Variants in PEX7 observed in about 807,000 individuals in gnomAD.
The protein encoded by PEX7 is PTS2 receptor.
PEX7 carries 34 observed loss-of-function variants against 47.5 expected under a neutral mutation model. The ratio of observed to expected loss-of-function variants is 0.72; its 90% CI spans 0.54 to 0.95. The LOEUF (loss-of-function observed/expected upper bound fraction) is 0.95, where lower values mean the gene tolerates loss of function less well. Ranked by LOEUF, PEX7 falls within the 40% of genes least tolerant of loss-of-function variation. The pLI, the probability that PEX7 is intolerant of heterozygous loss-of-function variation, is 0.00. For synonymous variants in PEX7, 141 were observed against 148.8 expected (o/e 0.95, Z 0.38); for missense variants, 394 against 400.3 (o/e 0.98, Z 0.13).
chr6:136,908,801 A>C (rs1158091272), intron 9 of PEX7, among the ~76,000 whole-genome samples: 1 of 152,168 alleles, frequency 6.6e-6, no homozygotes, highest in Non-Finnish European at 1.5e-5. Context: ...TAAAACTAAA[A>C]CTTTCAGTTC....
At chr6:136,906,291 T>A (rs1292724972) in intron 9 of PEX7, among the ~76,000 whole-genome samples, 1 of 152,246 alleles carries the variant, frequency 6.6e-6, no homozygotes, top group African/African-American at 2.4e-5. Flanking sequence ...CATTTTATTG[T>A]CATTTGTAAT....
At chr6:136,874,242 G>C (rs1261847475) in intron 8 of PEX7, among the ~76,000 whole-genome samples, 1 of 152,198 alleles carries the variant, frequency 6.6e-6, no homozygotes, top group Non-Finnish European at 1.5e-5. Context: ...AGTGGAGCAT[G>C]GTGCTTTTTG....
intron 5 of PEX7, among the ~76,000 whole-genome samples, chr6:136,850,746 T>C (rs1010019708): frequency 1.3e-5 from 2 of 152,124 alleles, no homozygotes; most frequent in African/African-American, 2.4e-5. Flanking sequence ...AATGAGCAGG[T>C]TGAGCTTGGA....
chr6:136,827,504 TTGTG>T (rs5880309), intron 3 of PEX7, among the ~76,000 whole-genome samples: 5,080 of 140,934 alleles, frequency 0.036, 91 homozygotes, highest in African/African-American at 0.053. Context: ...CTGTGTGAAT[TTGTG>T]TGTGTGTGTG....
intron 9 of PEX7, among the ~76,000 whole-genome samples, chr6:136,908,777 C>T (rs1775885260): frequency 6.6e-6 from 1 of 152,180 alleles, no homozygotes; most frequent in Non-Finnish European, 1.5e-5. Context: ...GCAATTATAA[C>T]TTTTAAATTG....
rs1562723734 is a variant in PEX7, at chr6:136,822,634, C to CGGGGCAGCGAGGGCCG, written c.-26_-11dup. On this transcript the variant is annotated 5_prime_UTR_variant, in exon 1 of 10. Coordinates refer to ENST00000318471, the MANE Select transcript of PEX7 (RefSeq NM_000288.4). ...TCCGACTCGGAACGGCTTCCGCGGC[C>CGGGGCAGCGAGGGCCG]GGGGCAGCGAGGGCCGGGGGCGGCG... 3 of 1,516,688 alleles carry CGGGGCAGCGAGGGCCG rather than the reference C, an allele frequency of 2.0e-6. No homozygotes were observed. The highest frequency in any genetic ancestry group is 2.0e-5 in the Admixed American group (1 of 50,424). The allele number at this position is 1,516,688 out of a possible 1,614,324, so 94.0% of individuals were successfully genotyped here. A position where few individuals can be genotyped will look rare whatever the true frequency, so the allele number is the denominator to read the frequency against.
intron 5 of PEX7, among the ~76,000 whole-genome samples, chr6:136,849,378 T>G (rs1468930218): frequency 2.0e-5 from 3 of 152,184 alleles, no homozygotes; most frequent in Non-Finnish European, 4.4e-5. Flanking sequence ...TCTCAGTTAT[T>G]TGTTGCCTTC....
chr6:136,909,069 C>G (rs1193706242), intron 9 of PEX7, among the ~76,000 whole-genome samples: 1 of 152,194 alleles, frequency 6.6e-6, no homozygotes. Flanking sequence ...TTACCTGTCT[C>G]TCCATTACAA....
intron 5 of PEX7, among the ~76,000 whole-genome samples, chr6:136,857,411 C>T (rs534618938): frequency 6.6e-6 from 1 of 152,278 alleles, no homozygotes; most frequent in East Asian, 1.9e-4. Context: ...GCTAGTGAGT[C>T]AGTCAGATAT....
Position 136,900,771 on chromosome 6 carries a change from T to C in PEX7, c.903+2530T>C. The C allele has an allele frequency of 2.9e-6, 1 of 339,688 alleles. No homozygotes were observed. Among genetic ancestry groups the C allele is most frequent in the South Asian group, 2.5e-5 (1 of 39,930 alleles). The allele number at this position is 339,688 out of a possible 1,614,324, so 21.0% of individuals were successfully genotyped here. A position where few individuals can be genotyped will look rare whatever the true frequency, so the allele number is the denominator to read the frequency against. On this transcript the variant is annotated intron_variant, in intron 9 of 9. Transcript: ENST00000318471. This position sits in a 1 kb window ranked among gnomAD's most constrained non-coding sequence, Gnocchi z 4.2. ...TGTTAACCCCAGCTTGAAGGACAGG[T>C]GGTCTCTTAGTGGGGACATCCCCTT...
chr6:136,863,307 G>C (rs1489812091), intron 5 of PEX7, among the ~76,000 whole-genome samples: 1 of 152,100 alleles, frequency 6.6e-6, no homozygotes, highest in African/African-American at 2.4e-5. Flanking sequence ...CAAGGAATGA[G>C]GTGCTATGGA....
chr6:136,874,994 C>A (rs1562748046), intron 8 of PEX7, among the ~76,000 whole-genome samples: 1 of 152,030 alleles, frequency 6.6e-6, no homozygotes, highest in African/African-American at 2.4e-5. Context: ...ACAAAATTAG[C>A]TGGGCGTGGT....
Position 136,823,038 on chromosome 6 carries a change from C to T in PEX7, c.130+243C>T, listed in dbSNP as rs1334736211. The stretch of plus-strand genomic sequence containing the variant: ...AGTGCATATACGTGTAGCCTAGTAG[C>T]CCGTGTCCTTGTTCCTTGAGACCGC... On this transcript the variant is annotated intron_variant, in intron 1 of 9. Coordinates refer to ENST00000318471, the MANE Select transcript of PEX7 (RefSeq NM_000288.4). The T allele has an allele frequency of 4.1e-6, 4 of 985,326 alleles. No homozygotes were observed. The South Asian group carries it at 1.4e-4, about 35-fold the overall frequency. 61.0% of individuals were successfully genotyped at this position (985,326 alleles called of 1,614,324 possible).
chr6:136,893,573 G>C (rs1026203827), intron 8 of PEX7, among the ~76,000 whole-genome samples: 4 of 152,212 alleles, frequency 2.6e-5, no homozygotes, highest in Admixed American at 6.5e-5. Context: ...TGTCTGTCTT[G>C]CATATGGTGC....
intron 8 of PEX7, among the ~76,000 whole-genome samples, chr6:136,877,142 G>C (rs1775289250): frequency 6.6e-6 from 1 of 151,376 alleles, no homozygotes; most frequent in African/African-American, 2.4e-5. Context: ...ATCTTCTTTT[G>C]AGAAGTGACT....
At chr6:136,828,958 A>G (rs1774245970) in intron 3 of PEX7, among the ~76,000 whole-genome samples, 1 of 152,304 alleles carries the variant, frequency 6.6e-6, no homozygotes, top group Middle Eastern at 3.4e-3. Context: ...AATTTTTTAA[A>G]TTTGTTTTGC....
At chr6:136,887,338 C>A (rs866583197) in intron 8 of PEX7, among the ~76,000 whole-genome samples, 39 of 152,132 alleles carry the variant, frequency 2.6e-4, no homozygotes, top group Middle Eastern at 6.8e-3. Flanking sequence ...GCCTTTGTTT[C>A]CTCAGTCATA....
At chr6:136,855,347 C>CT (rs34297697) in intron 5 of PEX7, among the ~76,000 whole-genome samples, 12,480 of 140,446 alleles carry the variant, frequency 0.089, 1,807 homozygotes, top group African/African-American at 0.3. Context: ...TTTCTTCTTC[C>CT]TTTTTTTTTT....
intron 8 of PEX7, among the ~76,000 whole-genome samples, chr6:136,895,851 A>G (rs766109211): frequency 6.6e-6 from 1 of 151,964 alleles, no homozygotes; most frequent in Non-Finnish European, 1.5e-5. Context: ...TCTTTGATGA[A>G]CTCTTTGCAA....
Sources: gnomAD v4.1 joint callset for allele counts (sites outside exome capture counted in the v4.1 genomes callset) on GRCh38, gnomAD v4.1.1 for gene constraint, Gnocchi (gnomAD v3.1) non-coding constraint, MANE v1.5 for transcripts, NCBI Gene and HGNC (gene_info 2026-07-23, HGNC 2026-07-21) for gene names.